The following GPHN variants were observed in gnomAD, a reference collection of about 807,000 sequenced individuals.
The protein encoded by GPHN is gephyrin.
Under a neutral mutation model 95.5 loss-of-function variants are expected in GPHN, and 17 were observed. That is an observed-to-expected ratio of 0.18 (90% CI 0.12 to 0.27). The LOEUF (loss-of-function observed/expected upper bound fraction) is 0.27, where lower values mean the gene tolerates loss of function less well. Ranked by LOEUF, GPHN falls within the 10% of genes least tolerant of loss-of-function variation. The probability of loss-of-function intolerance (pLI) is 1.00; values close to 1 mark genes in which losing one functional copy is unlikely to be tolerated. For synonymous variants in GPHN, 320 were observed against 322.5 expected (o/e 0.99, Z 0.08); for missense variants, 660 against 978.1 (o/e 0.67, Z 4.34).
At chr14:66,565,827 C>T (rs1384503769) in intron 1 of GPHN, among the ~76,000 whole-genome samples, 5 of 152,092 alleles carry the variant, frequency 3.3e-5, no homozygotes, top group Non-Finnish European at 5.9e-5. Flanking sequence ...TTTGTCATTT[C>T]ACCACACTTA....
At chr14:66,713,767 T>C (rs1034995598) in intron 2 of GPHN, among the ~76,000 whole-genome samples, 2 of 151,822 alleles carry the variant, frequency 1.3e-5, no homozygotes, top group African/African-American at 4.8e-5. Flanking sequence ...TTTGTTTGTT[T>C]GTTTGTTTAT....
chr14:67,732,239 C>A, the GPHN span, among the ~76,000 whole-genome samples: 1 of 151,618 alleles, frequency 6.6e-6, no homozygotes, highest in Non-Finnish European at 1.5e-5. Flanking sequence ...GAATTCCATA[C>A]CAGCCTGGAC....
chr14:66,637,851 C>A (rs1473354548), intron 1 of GPHN, among the ~76,000 whole-genome samples: 1 of 151,944 alleles, frequency 6.6e-6, no homozygotes, highest in Non-Finnish European at 1.5e-5. Flanking sequence ...GGCCTTTAAC[C>A]CTCAGTACAA....
chr14:66,929,670 T>C (rs1847693779), intron 8 of GPHN, among the ~76,000 whole-genome samples: 1 of 152,080 alleles, frequency 6.6e-6, no homozygotes, highest in South Asian at 2.1e-4. Context: ...ATGGTATATC[T>C]TTTTCCATCC....
In GPHN at chr14:66,560,071, A is replaced by G. The variant is rs1322969198; in HGVS notation, c.64+51480A>G. ...TTGTAGATATGCGGCGTTATTTCTG[A>G]GGGCTCCGTTCTGTTCCATTGGTCT... is the stretch of plus-strand genomic sequence containing the variant. On this transcript the variant is annotated intron_variant, in intron 1 of 22. Transcript: ENST00000478722. Among the ~76,000 whole-genome samples the G allele has an allele frequency of 5.9e-5, 9 of 152,092 alleles. 1 individual carries two copies. The South Asian group carries it at 1.9e-3, about 32-fold the overall frequency.
At chr14:67,656,405 C>A in the GPHN span, 1 of 1,591,746 alleles carries the variant, frequency 6.3e-7, no homozygotes, top group Admixed American at 1.7e-5. Context: ...TCCCTGTCTG[C>A]CCAGACTTAC....
At chr14:67,570,173 G>C in the GPHN span, 1 of 262,628 alleles carries the variant, frequency 3.8e-6, no homozygotes, top group Non-Finnish European at 5.9e-6. Context: ...TTGTTTATTA[G>C]GTTATTATAA....
chr14:66,522,949 A>C (rs935478222), intron 1 of GPHN, among the ~76,000 whole-genome samples: 1 of 152,112 alleles, frequency 6.6e-6, no homozygotes, highest in Non-Finnish European at 1.5e-5. Flanking sequence ...GGATTTTTTC[A>C]GTGGGAGTTT....
At chr14:67,162,265 A>G (rs1393892470) in intron 19 of GPHN, among the ~76,000 whole-genome samples, 1 of 152,252 alleles carries the variant, frequency 6.6e-6, no homozygotes, top group Non-Finnish European at 1.5e-5. Context: ...CAGTGGAAGG[A>G]AGAAGGTGTT....
chr14:67,516,203 G>T, the GPHN span, among the ~76,000 whole-genome samples: 1 of 152,150 alleles, frequency 6.6e-6, no homozygotes, highest in East Asian at 1.9e-4. Context: ...CCATTCGCAC[G>T]CCAAGCCTAG....
At chr14:66,627,688 C>T (rs1180847167) in intron 1 of GPHN, among the ~76,000 whole-genome samples, 1 of 152,006 alleles carries the variant, frequency 6.6e-6, no homozygotes, top group Non-Finnish European at 1.5e-5. Flanking sequence ...TGAGGTTTCA[C>T]AAAGACTTGA....
At chr14:67,693,651 C>CTT in the GPHN span, among the ~76,000 whole-genome samples, 15 of 142,318 alleles carry the variant, frequency 1.1e-4, no homozygotes, top group South Asian at 6.7e-4. Flanking sequence ...TTCTCTTTCT[C>CTT]TTTTTTTTTT....
At chr14:66,578,668 A>AAAAAAAGC (rs2061009626) in intron 1 of GPHN, among the ~76,000 whole-genome samples, 1 of 150,690 alleles carries the variant, frequency 6.6e-6, no homozygotes, top group African/African-American at 2.4e-5. Flanking sequence ...AAAAAAAAAA[A>AAAAAAAGC]AAAAAGCAAA....
intron 2 of GPHN, among the ~76,000 whole-genome samples, chr14:66,712,150 C>T (rs528800258): frequency 6.6e-6 from 1 of 152,126 alleles, no homozygotes; most frequent in Non-Finnish European, 1.5e-5. Context: ...GTTCTAGATC[C>T]TTGAGGAATC....
At chr14:67,215,653 C>A in the GPHN span, among the ~76,000 whole-genome samples, 27 of 152,114 alleles carry the variant, frequency 1.8e-4, 1 homozygote, top group South Asian at 5.2e-3. Context: ...GGAAAACATA[C>A]CTTTCACTAC....
At chr14:66,794,881 ATACAAAAATATCTAAC>A (rs1340303403) in intron 3 of GPHN, among the ~76,000 whole-genome samples, 5 of 152,192 alleles carry the variant, frequency 3.3e-5, no homozygotes, top group Non-Finnish European at 5.9e-5. Context: ...TTAGAGAGGT[ATACAAAAATATCTAAC>A]CACTTTTTAT....
chr14:67,195,697 A>T, the GPHN span, among the ~76,000 whole-genome samples: 1 of 147,526 alleles, frequency 6.8e-6, no homozygotes, highest in African/African-American at 2.5e-5. Context: ...TATAGAACTT[A>T]ATGCTTTCTT....
the GPHN span, among the ~76,000 whole-genome samples, chr14:67,341,534 G>C: frequency 6.7e-6 from 1 of 150,330 alleles, no homozygotes; most frequent in South Asian, 2.1e-4. Context: ...CCCCCCGCCT[G>C]GCCAGCCGCC....
intron 11 of GPHN, among the ~76,000 whole-genome samples, chr14:67,069,133 T>C (rs1314014556): frequency 6.6e-6 from 1 of 152,200 alleles, no homozygotes; most frequent in Non-Finnish European, 1.5e-5. Context: ...CTAGGTCTTA[T>C]CTCCCTCCTA....
Sources: allele counts gnomAD v4.1 joint callset (sites outside exome capture counted in the v4.1 genomes callset), GRCh38; gene constraint gnomAD v4.1.1; transcripts MANE v1.5; gene names NCBI Gene and HGNC (gene_info 2026-07-23, HGNC 2026-07-21).